Variants in EGF observed in about 807,000 individuals in gnomAD.
The protein encoded by EGF is pro-epidermal growth factor.
EGF carries 95 observed loss-of-function variants against 143.8 expected under a neutral mutation model. That is an observed-to-expected ratio of 0.66 (90% CI 0.56 to 0.78). The LOEUF (loss-of-function observed/expected upper bound fraction) is 0.78, where lower values mean the gene tolerates loss of function less well. Ranked by LOEUF, EGF falls within the 30% of genes least tolerant of loss-of-function variation. EGF has a pLI of 0.00. For missense variants in EGF, 1,320 were observed against 1,470.9 expected, an observed-to-expected ratio of 0.90 and a Z score of 1.68; for synonymous variants, 510 against 510.5, an observed-to-expected ratio of 1.00 and a Z score of 0.01.
At chr4:109,980,529 T>C in intron 14 of EGF, 1 of 486,794 alleles carries the variant, frequency 2.1e-6, no homozygotes, top group Non-Finnish European at 3.7e-6. Context: ...TTGCTCTTTG[T>C]CAGTTTGACT....
chr4:109,963,347 A>G (rs913889158), intron 9 of EGF, 49 bp downstream of exon 9: 5 of 1,613,002 alleles, frequency 3.1e-6, no homozygotes, highest in African/African-American at 2.7e-5. Flanking sequence ...AAAATTCATG[A>G]AAATCTTTTG....
chr4:109,976,703 A>G (rs1213656194), intron 13 of EGF, among the ~76,000 whole-genome samples: 2 of 152,198 alleles, frequency 1.3e-5, no homozygotes, highest in East Asian at 1.9e-4. Flanking sequence ...ATTGTAGCTC[A>G]TGCCAGCTGT....
At chr4:109,953,285 C>G (rs897697694) in intron 5 of EGF, among the ~76,000 whole-genome samples, 1 of 152,202 alleles carries the variant, frequency 6.6e-6, no homozygotes, top group Non-Finnish European at 1.5e-5. Flanking sequence ...AGTTCCCCAT[C>G]AGCCTTTTGC....
chr4:109,916,634 G>A (rs1736709993), intron 1 of EGF, among the ~76,000 whole-genome samples: 1 of 151,836 alleles, frequency 6.6e-6, no homozygotes, highest in Non-Finnish European at 1.5e-5. Context: ...TTTTTTTAAT[G>A]TGGTGATTCT....
At chr4:109,997,729 G>C (rs1752018691) in intron 20 of EGF, among the ~76,000 whole-genome samples, 1 of 152,060 alleles carries the variant, frequency 6.6e-6, no homozygotes, top group African/African-American at 2.4e-5. Flanking sequence ...CAGGTATGGT[G>C]GTACACATCT....
chr4:110,007,368 G>T (rs1753447416), intron 22 of EGF, among the ~76,000 whole-genome samples: 1 of 152,182 alleles, frequency 6.6e-6, no homozygotes, highest in African/African-American at 2.4e-5. Context: ...GGCAGTCCTT[G>T]CACTAGTTAC....
At chr4:109,935,956 A>G (rs1210205107) in intron 1 of EGF, among the ~76,000 whole-genome samples, 1 of 152,114 alleles carries the variant, frequency 6.6e-6, no homozygotes, top group East Asian at 1.9e-4. Context: ...CCAGTGTTTT[A>G]TTGAGGATTT....
At chr4:109,967,029 A>G (rs906207018) in intron 10 of EGF, among the ~76,000 whole-genome samples, 1 of 152,146 alleles carries the variant, frequency 6.6e-6, no homozygotes, top group Admixed American at 6.5e-5. Flanking sequence ...TTTGCTGTGC[A>G]GAAGCTTTTT....
At position 109,963,293 on chromosome 4, in the gene EGF, C is replaced by T. The variant is rs755866001; in HGVS notation, c.1433C>T (p.Ala478Val). Reference protein sequence around the residue: ...DLQLDEKSCAASGPQPFLLFA... With the variant: ...DLQLDEKSCAVSGPQPFLLFA... ...CAACTGGATGAAAAAAGCTGTGCAG[C>T]TTCAGGTTAGTGCTGTGGTTGTCTG... The change falls in exon 9 of 24, where the codon GCT becomes GTT. Residue 478 changes from alanine (A) to valine (V), a missense_variant. Physicochemically the swap from Ala to Val is moderately conservative, Grantham distance 64. This residue lies in a region of EGF where 1,186 missense variants were observed against 1,313.7 expected (regional missense o/e 0.90). Coordinates refer to ENST00000265171, the MANE Select transcript of EGF (RefSeq NM_001963.6). The T allele has an allele frequency of 6.2e-7, 1 of 1,613,816 alleles. No homozygotes were observed. Among genetic ancestry groups the T allele is most frequent in the South Asian group, 1.1e-5 (1 of 91,066 alleles).
chr4:109,980,289 T>C (rs1170004943), intron 14 of EGF, 150 bp downstream of exon 14: 15 of 852,452 alleles, frequency 1.8e-5, no homozygotes, highest in Non-Finnish European at 2.6e-5. Flanking sequence ...GATTTAAGTT[T>C]GTTTAAGACA....
At chr4:109,916,095 AAT>A (rs1183395334) in intron 1 of EGF, among the ~76,000 whole-genome samples, 2 of 152,110 alleles carry the variant, frequency 1.3e-5, no homozygotes, top group Admixed American at 6.5e-5. Flanking sequence ...CTTTTTTGGT[AAT>A]AAAGGGTAAG....
intron 10 of EGF, among the ~76,000 whole-genome samples, chr4:109,968,515 G>A (rs1386723476): frequency 6.6e-6 from 1 of 151,992 alleles, no homozygotes; most frequent in African/African-American, 2.4e-5. Flanking sequence ...CAATGATCAA[G>A]GGTTAATAAA....
In EGF at chr4:109,945,264, C is replaced by T. The variant is rs1242726092; in HGVS notation, c.929C>T (p.Thr310Ile). 2 of 1,613,862 alleles carry T rather than the reference C, an allele frequency of 1.2e-6. No homozygotes were observed. Among genetic ancestry groups the T allele is most frequent in the Admixed American group, 3.3e-5 (2 of 60,004 alleles). ...PLAQPKAEDDTWEPEQKLCKL... is the reference protein window; with the variant it reads ...PLAQPKAEDDIWEPEQKLCKL... ...GCACAACCCAAGGCAGAAGATGACA[C>T]TTGGGAGCCTGGTGAGTCATCGTTG... The change falls in exon 5 of 24, where the codon ACT (threonine) becomes ATT (isoleucine). Residue 310 changes from threonine (T) to isoleucine (I), a missense_variant. Around this residue, in one of 5 missense-constraint regions of EGF, gnomAD observed 1,186 missense variants for 1,313.7 expected, o/e 0.90. Transcript: ENST00000265171.
At chr4:109,920,569 T>C (rs2125934311) in intron 1 of EGF, among the ~76,000 whole-genome samples, 1 of 151,756 alleles carries the variant, frequency 6.6e-6, no homozygotes, top group East Asian at 1.9e-4. Flanking sequence ...CTAAATCTTT[T>C]TCAAGAAATT....
Position 109,994,730 on chromosome 4 carries a change from T to C in EGF, c.2858-3T>C, listed in dbSNP as rs1219814313. 6 of 1,613,918 alleles carry C rather than the reference T, an allele frequency of 3.7e-6. No individual in the cohort carries two copies. Among genetic ancestry groups the C allele is most frequent in the Non-Finnish European group, 5.1e-6 (6 of 1,179,984 alleles). ...GTAAAAGTAATGTCTTGGGTTCTTT[T>C]AGACTCTACTCCACCCCCTCACCTC... On this transcript the variant is annotated splice_region_variant and splice_polypyrimidine_tract_variant and intron_variant, in intron 19 of 23. Coordinates refer to ENST00000265171, the MANE Select transcript of EGF (RefSeq NM_001963.6).
At chr4:109,978,502 G>A (rs1208965497) in intron 13 of EGF, among the ~76,000 whole-genome samples, 1 of 152,132 alleles carries the variant, frequency 6.6e-6, no homozygotes, top group African/African-American at 2.4e-5. Flanking sequence ...GACACGTACT[G>A]TACAATTCCA....
At chr4:109,967,612 G>A (rs1354253614) in intron 10 of EGF, among the ~76,000 whole-genome samples, 1 of 152,096 alleles carries the variant, frequency 6.6e-6, no homozygotes, top group African/African-American at 2.4e-5. Context: ...CATTGTATCT[G>A]TATATTGCTT....
chr4:109,969,173 T>C, intron 11 of EGF, 54 bp downstream of exon 11: 3 of 1,606,346 alleles, frequency 1.9e-6, no homozygotes, highest in East Asian at 4.5e-5. Flanking sequence ...ATGGGATAGG[T>C]AATACTATTG....
intron 1 of EGF, among the ~76,000 whole-genome samples, chr4:109,933,626 T>A (rs996047284): frequency 6.6e-6 from 1 of 151,836 alleles, no homozygotes; most frequent in Non-Finnish European, 1.5e-5. Context: ...CATGTGTCCA[T>A]GTGTTCTCAT....
Sources: gnomAD v4.1 joint callset for allele counts (sites outside exome capture counted in the v4.1 genomes callset) on GRCh38, gnomAD v4.1.1 for gene constraint, gnomAD v4.1.1 regional missense constraint, MANE v1.5 for transcripts, NCBI Gene and HGNC (gene_info 2026-07-23, HGNC 2026-07-21) for gene names.